The following MAP3K7CL variants were observed in gnomAD, a reference collection of about 807,000 sequenced individuals.
The protein encoded by MAP3K7CL is MAP3K7 C-terminal-like protein.
A neutral mutation model predicts 18.6 loss-of-function variants in MAP3K7CL; 16 were observed. That is an observed-to-expected ratio of 0.86 (90% CI 0.58 to 1.31). The LOEUF (loss-of-function observed/expected upper bound fraction) is 1.31. MAP3K7CL is among the 50% of genes most tolerant of loss of function. The pLI, the probability that MAP3K7CL is intolerant of heterozygous loss-of-function variation, is 0.00. For missense variants in MAP3K7CL, 163 were observed against 174.4 expected (o/e 0.93, Z 0.37); for synonymous variants, 65 against 66.8 (o/e 0.97, Z 0.13).
intron 2 of MAP3K7CL, chr21:29,145,514 C>G (rs1359433771): frequency 6.6e-6 from 1 of 152,234 alleles, no homozygotes; most frequent in Admixed American, 6.5e-5. Flanking sequence ...ATTCATCATC[C>G]TGCTTTTAGA....
chr21:29,124,229 C>CT (rs752505742), intron 4 of MAP3K7CL, among the ~76,000 whole-genome samples: 1 of 151,734 alleles, frequency 6.6e-6, no homozygotes, highest in Admixed American at 6.6e-5. Context: ...TGGCAGGCAC[C>CT]TGTAATCCCA....
intron 4 of MAP3K7CL, among the ~76,000 whole-genome samples, chr21:29,113,227 A>G (rs561934053): frequency 1.3e-5 from 2 of 152,298 alleles, no homozygotes; most frequent in East Asian, 3.9e-4. Flanking sequence ...CTTTTTCTTC[A>G]TAATTTCCAT....
chr21:29,149,685 C>T (rs2087225252), intron 3 of MAP3K7CL, among the ~76,000 whole-genome samples: 1 of 152,198 alleles, frequency 6.6e-6, no homozygotes, highest in South Asian at 2.1e-4. Context: ...TTCCCCAGTT[C>T]TCTGACAACT....
At chr21:29,093,009 T>C (rs1366345048) in intron 4 of MAP3K7CL, among the ~76,000 whole-genome samples, 5 of 152,188 alleles carry the variant, frequency 3.3e-5, no homozygotes. Context: ...GTTCAAGCGA[T>C]TCTCCTGCTT....
rs1218267697 is a variant in MAP3K7CL at position 29,175,140 on chromosome 21, A to G, written c.*248A>G. On this transcript the variant is annotated 3_prime_UTR_variant, in exon 5 of 5. Transcript: ENST00000399928. ...GATCAGAATTCTTTTCCAAAGATAT[A>G]TGTTTTTTTCTTTTTTAGGAAGATA... 1.4e-5 allele frequency: 5 copies of G among 344,924 alleles called. No homozygotes were observed. The South Asian group carries it at 2.1e-4, about 15-fold the overall frequency. The allele number at this position is 344,924 out of a possible 1,614,324, so 21.4% of individuals were successfully genotyped here. A position where few individuals can be genotyped will look rare whatever the true frequency, so the allele number is the denominator to read the frequency against.
At chr21:29,098,304 CA>C (rs1045410451) in intron 4 of MAP3K7CL, among the ~76,000 whole-genome samples, 1 of 152,162 alleles carries the variant, frequency 6.6e-6, no homozygotes, top group Non-Finnish European at 1.5e-5. Flanking sequence ...AGATGCATCC[CA>C]AATCTACCCA....
chr21:29,163,693 CTT>C (rs397866386), intron 4 of MAP3K7CL, among the ~76,000 whole-genome samples: 148 of 125,952 alleles, frequency 1.2e-3, no homozygotes, highest in Middle Eastern at 4.0e-3. Flanking sequence ...CCCTTTCTTC[CTT>C]TTTTTTTTTT....
intron 4 of MAP3K7CL, chr21:29,109,102 A>T: frequency 6.5e-7 from 1 of 1,535,292 alleles, no homozygotes; most frequent in Non-Finnish European, 8.7e-7. Flanking sequence ...TCATTTCCAA[A>T]TTATGAAGAC....
intron 3 of MAP3K7CL, chr21:29,092,343 A>C (rs1253115371): frequency 2.0e-6 from 3 of 1,475,876 alleles, no homozygotes; most frequent in South Asian, 2.3e-5. Flanking sequence ...AAGAGGTTTC[A>C]ATTTCTTCTC....
chr21:29,081,148 T>G (rs553296493), upstream of MAP3K7CL, among the ~76,000 whole-genome samples: 1 of 152,336 alleles, frequency 6.6e-6, no homozygotes, highest in South Asian at 2.1e-4. Flanking sequence ...TATTTTGAGA[T>G]AAATTTCCTC....
chr21:29,088,313 T>C, intron 1 of MAP3K7CL, among the ~76,000 whole-genome samples: 1 of 152,252 alleles, frequency 6.6e-6, no homozygotes, highest in Non-Finnish European at 1.5e-5. Context: ...TAATAAATGC[T>C]ATCACCTTTT....
chr21:29,168,289 A>T (rs1202369402), intron 4 of MAP3K7CL, among the ~76,000 whole-genome samples: 1 of 152,170 alleles, frequency 6.6e-6, no homozygotes, highest in African/African-American at 2.4e-5. Context: ...TCTGGGTAAG[A>T]TATGAGATTT....
chr21:29,119,494 C>T (rs2086557290), intron 4 of MAP3K7CL, among the ~76,000 whole-genome samples: 1 of 152,120 alleles, frequency 6.6e-6, no homozygotes, highest in Non-Finnish European at 1.5e-5. Flanking sequence ...CACAGGGTCA[C>T]TCTGTGATTC....
At chr21:29,081,540 G>A (rs1449657676), upstream of MAP3K7CL, among the ~76,000 whole-genome samples, 9 of 152,080 alleles carry the variant, frequency 5.9e-5, no homozygotes, top group African/African-American at 1.7e-4. Context: ...GTGACAGAGC[G>A]AGACTCCGTC....
At chr21:29,089,750 A>G (rs1287997244) in intron 1 of MAP3K7CL, among the ~76,000 whole-genome samples, 1 of 152,138 alleles carries the variant, frequency 6.6e-6, no homozygotes, top group East Asian at 1.9e-4. Flanking sequence ...AGGATTTCCA[A>G]ACAAGATGTG....
At chr21:29,087,898 C>T (rs1426862485) in intron 1 of MAP3K7CL, among the ~76,000 whole-genome samples, 1 of 152,120 alleles carries the variant, frequency 6.6e-6, no homozygotes, top group African/African-American at 2.4e-5. Flanking sequence ...CGGTCGTGCT[C>T]ATTTTCTTAA....
upstream of MAP3K7CL, chr21:29,130,530 T>C (rs1476046355): frequency 1.3e-5 from 12 of 891,386 alleles, no homozygotes; most frequent in Non-Finnish European, 1.6e-5. Context: ...TGTTTGTATT[T>C]TAAGTTTGCC....
intron 4 of MAP3K7CL, among the ~76,000 whole-genome samples, chr21:29,166,046 G>T (rs1225205072): frequency 6.6e-6 from 1 of 152,108 alleles, no homozygotes; most frequent in African/African-American, 2.4e-5. Context: ...CTATTTTGAA[G>T]TGTACATCAT....
chr21:29,088,169 C>G (rs772907971), intron 1 of MAP3K7CL, among the ~76,000 whole-genome samples: 1 of 152,108 alleles, frequency 6.6e-6, no homozygotes, highest in Non-Finnish European at 1.5e-5. Flanking sequence ...TCTCATAACT[C>G]TGATCAAGAT....
Sources: allele counts gnomAD v4.1 joint callset (sites outside exome capture counted in the v4.1 genomes callset), GRCh38; gene constraint gnomAD v4.1.1; transcripts MANE v1.5; gene names NCBI Gene and HGNC (gene_info 2026-07-23, HGNC 2026-07-21).